VPS13C: variants seen among roughly 807,000 people sequenced by gnomAD.
VPS13C encodes the protein vacuolar protein sorting 13 homolog C.
VPS13C carries 358 observed loss-of-function variants against 456.8 expected under a neutral mutation model. The ratio of observed to expected loss-of-function variants is 0.78; its 90% confidence interval spans 0.72 to 0.86. The LOEUF is 0.86. Among genes scored for constraint, VPS13C ranks in the 40% least tolerant of loss-of-function variants. VPS13C has a pLI of 0.00. For synonymous variants in VPS13C, 1,578 were observed against 1,486.7 expected (o/e 1.06, Z -1.41); for missense variants, 4,818 against 4,385.4 (o/e 1.10, Z -2.79).
chr15:61,877,823 A>G lies in VPS13C; in HGVS notation c.10143-769T>C, dbSNP rs145257398. The stretch of plus-strand genomic sequence containing the variant: ...ATTTGCATGTATTCTTTGATAAATA[A>G]TAACGCCATCACTGTGTTTTCCCTT... On this transcript the variant is annotated intron_variant, in intron 74 of 84. Transcript: ENST00000644861. Among the ~76,000 whole-genome samples, 896 of 152,106 alleles carry G rather than the reference A, an allele frequency of 5.9e-3. 6 individuals are homozygous for G. Among genetic ancestry groups the G allele is most frequent in the African/African-American group, 0.02 (851 of 41,548 alleles).
chr15:61,999,486 A>T (rs192205648), intron 16 of VPS13C, among the ~76,000 whole-genome samples: 4 of 152,336 alleles, frequency 2.6e-5, no homozygotes, highest in Non-Finnish European at 5.9e-5. Context: ...GGTCAACTGT[A>T]TATGCCTTAA....
chr15:61,896,973 C>A (rs1319052514), intron 66 of VPS13C, among the ~76,000 whole-genome samples: 2 of 152,242 alleles, frequency 1.3e-5, no homozygotes, highest in Non-Finnish European at 2.9e-5. Flanking sequence ...AACTGGGAGG[C>A]ACCCCCCAAC....
intron 5 of VPS13C, among the ~76,000 whole-genome samples, chr15:62,030,176 A>C (rs1261893274): frequency 1.3e-5 from 2 of 152,200 alleles, no homozygotes; most frequent in Admixed American, 6.5e-5. Flanking sequence ...CATGTGAAAA[A>C]GAATTAAAGA....
chr15:61,939,274 C>G (rs2044333501), intron 47 of VPS13C, among the ~76,000 whole-genome samples: 1 of 152,094 alleles, frequency 6.6e-6, no homozygotes, highest in South Asian at 2.1e-4. Context: ...GGCAGAAAGA[C>G]AGAAATTAAA....
At chr15:61,885,306 A>T (rs1417636214) in intron 67 of VPS13C, among the ~76,000 whole-genome samples, 6 of 152,156 alleles carry the variant, frequency 3.9e-5, no homozygotes. Context: ...TTCTGCAATT[A>T]TGCAACAAAA....
chr15:61,900,117 A>G (rs539854323), intron 66 of VPS13C, among the ~76,000 whole-genome samples: 2 of 152,310 alleles, frequency 1.3e-5, no homozygotes, highest in South Asian at 4.1e-4. Flanking sequence ...GTATTTCAAA[A>G]TAATAAAAGC....
chr15:61,951,366 T>G (rs1042160879), intron 39 of VPS13C, among the ~76,000 whole-genome samples: 1 of 152,060 alleles, frequency 6.6e-6, no homozygotes, highest in Non-Finnish European at 1.5e-5. Flanking sequence ...CTTAAAGATA[T>G]CCCATAGAGT....
chr15:62,020,476 T>G lies in VPS13C; in HGVS notation c.684+3A>C. The G allele has an allele frequency of 6.2e-6, 10 of 1,608,954 alleles. No homozygotes were observed. Among genetic ancestry groups the G allele is most frequent in the Non-Finnish European group, 8.5e-6 (10 of 1,177,452 alleles). ...TAGAAGTTTAAAATAAAGCAAACATTACCAGTAGACTAAGCTCTCCCAGTG... is the reference window on the plus strand; with the variant it reads ...TAGAAGTTTAAAATAAAGCAAACATGACCAGTAGACTAAGCTCTCCCAGTG... On this transcript the variant is annotated splice_donor_region_variant and intron_variant, in intron 9 of 84. Transcript: ENST00000644861.
At position 61,981,331 on chromosome 15, in the gene VPS13C, T is replaced by C. The variant is rs1401427657; in HGVS notation, c.2166+11A>G. On this transcript the variant is annotated intron_variant, in intron 22 of 84. Coordinates refer to ENST00000644861, the MANE Select transcript of VPS13C (RefSeq NM_020821.3). ...AAAGATGGGCAGACAAAAAAACGCA[T>C]ATATACCTACCTGAAATGTACCAAA... 8.1e-6 allele frequency: 13 copies of C among 1,600,858 alleles called. No individual in the cohort carries two copies. The East Asian group carries it at 9.0e-5, about 11-fold the overall frequency.
chr15:62,025,367 C>G (rs1175595443), intron 6 of VPS13C, among the ~76,000 whole-genome samples: 1 of 152,044 alleles, frequency 6.6e-6, no homozygotes, highest in African/African-American at 2.4e-5. Context: ...TAGTGCTATT[C>G]CAGTAGTTCT....
At chr15:61,940,968 A>AT (rs1567028255) in intron 46 of VPS13C, among the ~76,000 whole-genome samples, 174 bp from the exon 47 acceptor site, 2 of 151,982 alleles carry the variant, frequency 1.3e-5, no homozygotes, top group African/African-American at 2.4e-5. Context: ...ATCACAACAC[A>AT]TAAGTTTATA....
At chr15:61,954,300 A>G (rs1430231325) in intron 38 of VPS13C, 121 bp downstream of exon 38, 5 of 1,074,926 alleles carry the variant, frequency 4.7e-6, no homozygotes, top group Non-Finnish European at 6.7e-6. Context: ...TCACTGCTAC[A>G]TGTGAACAGC....
chr15:61,856,729 TGA>T (rs1893937223), intron 82 of VPS13C: 1 of 207,420 alleles, frequency 4.8e-6, no homozygotes, highest in Admixed American at 7.2e-5. Flanking sequence ...ACCAAAAAGC[TGA>T]TAGGGAAATC....
chr15:61,990,915 A>T, intron 18 of VPS13C, 85 bp downstream of exon 18: 1 of 870,620 alleles, frequency 1.1e-6, no homozygotes, highest in Non-Finnish European at 1.8e-6. Flanking sequence ...CATTTATATT[A>T]CTTAAAAAAA....
At chr15:61,982,340 C>T in intron 21 of VPS13C, 119 bp downstream of exon 21, 1 of 699,324 alleles carries the variant, frequency 1.4e-6, no homozygotes, top group East Asian at 2.8e-5. Context: ...TACTGTAATA[C>T]AGCCTGAGTT....
intron 78 of VPS13C, among the ~76,000 whole-genome samples, chr15:61,872,265 A>G (rs1344093834): frequency 2.0e-5 from 3 of 152,206 alleles, no homozygotes; most frequent in African/African-American, 7.2e-5. Flanking sequence ...TATAAAAGAA[A>G]CAGGAGTAAA....
At chr15:61,954,587 T>C (rs749809493) in intron 37 of VPS13C, 33 bp from the exon 38 acceptor site, 7 of 1,554,902 alleles carry the variant, frequency 4.5e-6, no homozygotes, top group Non-Finnish European at 6.1e-6. Context: ...ATTACTTTTA[T>C]TCACAAATTT....
chr15:62,022,066 T>C (rs2047481908), intron 8 of VPS13C, among the ~76,000 whole-genome samples: 1 of 151,888 alleles, frequency 6.6e-6, no homozygotes. Context: ...GGCAATCTTC[T>C]CTATAGTGAA....
chr15:62,023,106 T>C (rs2047518245), intron 8 of VPS13C, among the ~76,000 whole-genome samples: 1 of 151,934 alleles, frequency 6.6e-6, no homozygotes, highest in African/African-American at 2.4e-5. Flanking sequence ...AAAGCAAAAA[T>C]TAGTTCCTTA....
Sources: gnomAD v4.1 joint callset for allele counts (sites outside exome capture counted in the v4.1 genomes callset) on GRCh38, gnomAD v4.1.1 for gene constraint, MANE v1.5 for transcripts, NCBI Gene and HGNC (gene_info 2026-07-23, HGNC 2026-07-21) for gene names.